Variants in HPS1 observed in about 807,000 individuals in gnomAD.
HPS1 encodes the protein HPS1 biogenesis of lysosomal organelles complex 3 subunit 1, also known as BLOC-3 complex member HPS1.
Under a neutral mutation model 90.6 loss-of-function variants are expected in HPS1, and 59 were observed. That is an observed-to-expected ratio of 0.65 (90% CI 0.53 to 0.81). The LOEUF (loss-of-function observed/expected upper bound fraction) is 0.81. Ranked by LOEUF, HPS1 falls within the 30% of genes least tolerant of loss-of-function variation. HPS1 has a pLI of 0.00. For missense variants in HPS1, 849 were observed against 896.7 expected, an observed-to-expected ratio of 0.95 and a Z score of 0.68; for synonymous variants, 388 against 384.4, an observed-to-expected ratio of 1.01 and a Z score of -0.11.
chr10:98,430,805 C>T (rs1002867090), intron 7 of HPS1, 135 bp from the exon 8 acceptor site: 50 of 747,082 alleles, frequency 6.7e-5, no homozygotes, highest in Non-Finnish European at 2.1e-5. Flanking sequence ...GGCACAAATA[C>T]AATTAATTAA....
intron 3 of HPS1, among the ~76,000 whole-genome samples, chr10:98,437,101 G>T (rs562215969): frequency 6.6e-6 from 1 of 151,600 alleles, no homozygotes; most frequent in South Asian, 2.1e-4. Context: ...CAGACTATTT[G>T]TCACTATCTG....
chr10:98,434,961 A>G, intron 5 of HPS1: 1 of 416,994 alleles, frequency 2.4e-6, no homozygotes, highest in South Asian at 2.2e-5. Context: ...ATGACGGGTG[A>G]TGATGTTGGG....
In HPS1 at chr10:98,434,086, C is replaced by T. The variant is rs777093777; in HGVS notation, c.404G>A (p.Arg135Gln). The T allele has an allele frequency of 2.6e-6, 4 of 1,549,228 alleles. No individual in the cohort carries two copies. Among genetic ancestry groups the T allele is most frequent in the Non-Finnish European group, 2.6e-6 (3 of 1,146,952 alleles). The change falls in exon 6 of 20, where the codon CGG (arginine) becomes CAG (glutamine). Residue 135 changes from arginine to glutamine, a missense_variant. Arg to Gln is a conservative substitution (Grantham distance 43). Transcript: ENST00000361490. Reference sequence around the variant, plus strand: ...GACACGCTGCGCCAGGTCTGGGGGCCGCAGCCTGGGGGCAGAGCCAGAGAG... The same window carrying T: ...GACACGCTGCGCCAGGTCTGGGGGCTGCAGCCTGGGGGCAGAGCCAGAGAG... Reference protein sequence around the residue: ...VDGHLIRKELRPPDLAQRVQL... With the variant: ...VDGHLIRKELQPPDLAQRVQL...
At chr10:98,437,685 CAT>C (rs1389875925) in intron 3 of HPS1, among the ~76,000 whole-genome samples, 1 of 152,200 alleles carries the variant, frequency 6.6e-6, no homozygotes, top group Non-Finnish European at 1.5e-5. Flanking sequence ...ATGATGTTCA[CAT>C]GACAAGGAAA....
In HPS1 at chr10:98,435,172, G is replaced by A. The variant is rs1847126557; in HGVS notation, c.398+100C>T. ...TGACCTAGGGACCCAGCTGGGGGCA[G>A]TATGTGAAAAATGGCAGCTTCACAG... On this transcript the variant is annotated intron_variant, in intron 5 of 19. Coordinates refer to ENST00000361490, the MANE Select transcript of HPS1 (RefSeq NM_000195.5). This position sits in a 1 kb window ranked among gnomAD's most constrained non-coding sequence, Gnocchi z 4.3. 4.9e-6 allele frequency: 7 copies of A among 1,434,774 alleles called. No individual in the cohort carries two copies. The highest frequency in any genetic ancestry group is 5.9e-6 in the Non-Finnish European group (6 of 1,020,716). The allele number at this position is 1,434,774 out of a possible 1,614,324, so 88.9% of individuals were successfully genotyped here. A position where few individuals can be genotyped will look rare whatever the true frequency, so the allele number is the denominator to read the frequency against.
At chr10:98,431,320 C>A (rs956510006) in intron 6 of HPS1, 29 bp from the exon 7 acceptor site, 19 of 1,611,604 alleles carry the variant, frequency 1.2e-5, no homozygotes, top group Non-Finnish European at 1.5e-5. Context: ...GAGAGGAAGC[C>A]ATATCACCAA....
At chr10:98,430,985 G>A (rs749913096) in intron 7 of HPS1, 146 bp downstream of exon 7, 24 of 832,264 alleles carry the variant, frequency 2.9e-5, no homozygotes, top group Non-Finnish European at 4.4e-5. Flanking sequence ...AGCTGAAAAA[G>A]GTTGGAGAAT....
chr10:98,425,104 G>A (rs1845420013), intron 13 of HPS1, among the ~76,000 whole-genome samples: 1 of 152,220 alleles, frequency 6.6e-6, no homozygotes, highest in Non-Finnish European at 1.5e-5. Flanking sequence ...CTCACTGGGG[G>A]TGGGGTGGAG....
chr10:98,435,107 C>T lies in HPS1; in HGVS notation c.398+165G>A, dbSNP rs1284013205. 5 of 739,926 alleles carry T rather than the reference C, an allele frequency of 6.8e-6. No individual in the cohort carries two copies. The highest frequency in any genetic ancestry group is 1.2e-5 in the Non-Finnish European group (5 of 434,400). 45.8% of individuals were successfully genotyped at this position (739,926 alleles called of 1,614,324 possible). ...TTCACCAGATATAAAGTCAGAGGGT[C>T]AGACCAGATGGTCTCCAAGGTTCAC... On this transcript the variant is annotated intron_variant, in intron 5 of 19. Transcript: ENST00000361490. This position sits in a 1 kb window ranked among gnomAD's most constrained non-coding sequence, Gnocchi z 4.3.
rs906217555 is a variant in HPS1, at chr10:98,444,799, C to T, written c.-1+501G>A. On this transcript the variant is annotated intron_variant, in intron 2 of 19. Coordinates refer to ENST00000361490, the MANE Select transcript of HPS1 (RefSeq NM_000195.5). ...CCCACAGAATTACTCAATGCCAAGG[C>T]AGACACTGAGAGTGCAACAGGTGTG... 2.6e-5 allele frequency among the ~76,000 whole-genome samples: 4 copies of T among 152,322 alleles called. No homozygotes were observed. The East Asian group carries it at 7.7e-4, about 29-fold the overall frequency.
At chr10:98,446,384 A>G (rs908979007) in intron 1 of HPS1, among the ~76,000 whole-genome samples, 2 of 152,230 alleles carry the variant, frequency 1.3e-5, no homozygotes, top group Non-Finnish European at 2.9e-5. Context: ...CACTGACGAA[A>G]GGAGCTCCAG....
downstream of HPS1, among the ~76,000 whole-genome samples, chr10:98,415,587 C>G (rs1844002027): frequency 6.6e-6 from 1 of 152,234 alleles, no homozygotes; most frequent in South Asian, 2.1e-4. Context: ...ATGGCAAGTG[C>G]TCGTGTCAGA....
Position 98,425,949 on chromosome 10 carries a change from AGTGGGG to A in HPS1, c.1018_1023del (p.Pro340_His341del). The A allele has an allele frequency of 6.2e-7, 1 of 1,614,160 alleles. No homozygotes were observed. The highest frequency in any genetic ancestry group is 1.6e-4 in the Middle Eastern group (1 of 6,062). ...CTTCTGGGGCCGGAAGGCACAGGGC[AGTGGGG>A]AACCAGTGTTTGGAGGGTGTCCTCT... On this transcript the variant is annotated inframe_deletion, in exon 12 of 20. Coordinates refer to ENST00000361490, the MANE Select transcript of HPS1 (RefSeq NM_000195.5).
chr10:98,432,616 G>T (rs185206172), intron 6 of HPS1, among the ~76,000 whole-genome samples: 2 of 152,020 alleles, frequency 1.3e-5, no homozygotes, highest in South Asian at 2.1e-4. Context: ...ATATCTGTAC[G>T]TGTTCTTTTT....
intron 19 of HPS1, 93 bp downstream of exon 19, chr10:98,418,082 G>T: frequency 1.2e-6 from 1 of 833,894 alleles, no homozygotes. Context: ...CTGAGGTAGG[G>T]CACTGCTGAA....
chr10:98,439,690 G>A (rs11815217), intron 3 of HPS1, among the ~76,000 whole-genome samples: 1,837 of 152,248 alleles, frequency 0.012, 36 homozygotes, highest in African/African-American at 0.042. Flanking sequence ...GTTAATGCTG[G>A]AATGAATTAT....
At chr10:98,419,363 G>A (rs1256733674) in intron 18 of HPS1, among the ~76,000 whole-genome samples, 1 of 152,110 alleles carries the variant, frequency 6.6e-6, no homozygotes. Flanking sequence ...AAATAAAAGA[G>A]AAACAGGAGG....
At chr10:98,425,446 A>G (rs1845472966) in intron 13 of HPS1, 95 bp downstream of exon 13, 1 of 1,252,484 alleles carries the variant, frequency 8.0e-7, no homozygotes, top group Admixed American at 2.0e-5. Context: ...ACAGGAACCC[A>G]GGCCCATTGG....
chr10:98,437,911 T>C (rs542055713), intron 3 of HPS1, among the ~76,000 whole-genome samples: 57 of 152,146 alleles, frequency 3.7e-4, no homozygotes, highest in South Asian at 1.4e-3. Context: ...ATGGGGGTGG[T>C]TCCCCCAGGC....
Sources: allele counts gnomAD v4.1 joint callset (sites outside exome capture counted in the v4.1 genomes callset), GRCh38; gene constraint gnomAD v4.1.1; non-coding constraint Gnocchi (gnomAD v3.1); transcripts MANE v1.5; gene names NCBI Gene and HGNC (gene_info 2026-07-23, HGNC 2026-07-21).